TLL1: variants seen among roughly 807,000 people sequenced by gnomAD.
TLL1 encodes the protein tolloid like 1.
In TLL1, 49 loss-of-function variants were observed where a neutral mutation model predicts 128.2. The observed-to-expected ratio is 0.38, with a 90% CI of 0.30 to 0.48. The LOEUF (loss-of-function observed/expected upper bound fraction) is 0.48, where lower values mean the gene tolerates loss of function less well. Ranked by LOEUF, TLL1 falls within the 20% of genes least tolerant of loss-of-function variation. TLL1 has a pLI of 0.96. For synonymous variants in TLL1, 454 were observed against 418.8 expected (o/e 1.08, Z -1.03); for missense variants, 1,123 against 1,242.0 (o/e 0.90, Z 1.44).
chr4:165,927,493 A>G (rs2110899124), intron 1 of TLL1, among the ~76,000 whole-genome samples: 1 of 152,360 alleles, frequency 6.6e-6, no homozygotes, highest in South Asian at 2.1e-4. Flanking sequence ...ACGGATTAAT[A>G]AAAATGTAAG....
intron 15 of TLL1, among the ~76,000 whole-genome samples, chr4:166,064,670 A>T (rs978096652): frequency 6.6e-6 from 1 of 152,132 alleles, no homozygotes; most frequent in Admixed American, 6.6e-5. Flanking sequence ...TTTATTCATT[A>T]TATTGCTATT....
intron 3 of TLL1, among the ~76,000 whole-genome samples, chr4:165,993,400 T>G (rs1736729398): frequency 6.6e-6 from 1 of 152,050 alleles, no homozygotes; most frequent in African/African-American, 2.4e-5. Context: ...CAGTATTGAA[T>G]GTATTAAAAA....
intron 3 of TLL1, among the ~76,000 whole-genome samples, chr4:165,993,855 G>T (rs895837425): frequency 6.6e-6 from 1 of 152,064 alleles, no homozygotes; most frequent in African/African-American, 2.4e-5. Context: ...ATAGCTTGTT[G>T]TACGGGAGGC....
At chr4:166,033,559 G>A (rs544717952) in intron 9 of TLL1, among the ~76,000 whole-genome samples, 5 of 152,114 alleles carry the variant, frequency 3.3e-5, no homozygotes, top group African/African-American at 1.2e-4. Context: ...AAAAAATACA[G>A]TCATTGTAGG....
chr4:166,037,572 C>G (rs1359807845), intron 9 of TLL1, among the ~76,000 whole-genome samples: 1 of 152,108 alleles, frequency 6.6e-6, no homozygotes, highest in Non-Finnish European at 1.5e-5. Flanking sequence ...GTTTGGGAGG[C>G]TGAGGCTGGT....
chr4:166,099,156 A>G, intron 19 of TLL1, 121 bp from the exon 20 acceptor site: 1 of 1,474,572 alleles, frequency 6.8e-7, no homozygotes, highest in Non-Finnish European at 9.5e-7. Flanking sequence ...AACATATCTG[A>G]CGCTGGAAGT....
rs1741119468 is a variant in TLL1, at chr4:166,078,110, G to A, written c.2442+80G>A. ...TACAAGCACTTGGAAATAAAATGGA[G>A]GTTTATCTAATTGAATCGAATCGTA... is the stretch of plus-strand genomic sequence containing the variant. On this transcript the variant is annotated intron_variant, in intron 18 of 20. Coordinates refer to ENST00000061240, the MANE Select transcript of TLL1 (RefSeq NM_012464.5). The A allele has an allele frequency of 5.0e-6, 8 of 1,594,634 alleles. No individual in the cohort carries two copies. The South Asian group carries it at 6.7e-5, about 13-fold the overall frequency.
intron 7 of TLL1, among the ~76,000 whole-genome samples, chr4:166,013,422 C>T (rs187115949): frequency 2.6e-5 from 4 of 151,776 alleles, no homozygotes; most frequent in East Asian, 3.9e-4. Context: ...TTAATGCAAG[C>T]GTTAGTTTAA....
chr4:165,938,884 C>T, intron 1 of TLL1, among the ~76,000 whole-genome samples: 1 of 151,632 alleles, frequency 6.6e-6, no homozygotes. Flanking sequence ...ACATTTAAAC[C>T]TTTTTAAACA....
chr4:165,892,022 G>A (rs780767615), intron 1 of TLL1, among the ~76,000 whole-genome samples: 1 of 152,220 alleles, frequency 6.6e-6, no homozygotes, highest in Non-Finnish European at 1.5e-5. Flanking sequence ...GAAGCCTCAG[G>A]AAGCCTACAA....
At chr4:166,002,744 C>T (rs1308428271) in intron 5 of TLL1, among the ~76,000 whole-genome samples, 2 of 152,170 alleles carry the variant, frequency 1.3e-5, no homozygotes, top group African/African-American at 4.8e-5. Context: ...TGCAACCAGC[C>T]AAAAGTAATT....
At chr4:165,903,723 T>G (rs1732113715) in intron 1 of TLL1, among the ~76,000 whole-genome samples, 1 of 142,114 alleles carries the variant, frequency 7.0e-6, no homozygotes, top group Non-Finnish European at 1.5e-5. Context: ...GGTTAGATCT[T>G]AAGTTCTTAT....
chr4:166,042,175 AT>A, intron 11 of TLL1, 32 bp downstream of exon 11: 1 of 1,324,546 alleles, frequency 7.5e-7, no homozygotes, highest in Non-Finnish European at 1.1e-6. Context: ...AGAGTAGTTC[AT>A]CTTATATCTC....
rs1265563485 is a variant in TLL1 at position 166,091,214 on chromosome 4, G to A, written c.2529G>A (p.Pro843=). 12 of 1,613,192 alleles carry A rather than the reference G, an allele frequency of 7.4e-6. No individual in the cohort carries two copies. The East Asian group carries it at 8.9e-5, about 12-fold the overall frequency. ...EVFDGETEKS[P]ILGRLCGNKI... The stretch of plus-strand genomic sequence containing the variant: ...TTGATGGAGAAACAGAAAAGTCACC[G>A]ATTCTTGGACGACTGTGTGGCAACA... Residue 843 remains proline, a synonymous_variant, in exon 19 of 21, where the codon CCG becomes CCA. Transcript: ENST00000061240.
rs1560854459 is a variant in TLL1 at position 166,074,992 on chromosome 4, A to C, written c.2303A>C (p.Asp768Ala). Residue 768 changes from aspartate to alanine, a missense_variant, in exon 17 of 21, where the codon GAT becomes GCT. Asp to Ala is a moderately radical substitution (Grantham distance 126). Coordinates refer to ENST00000061240, the MANE Select transcript of TLL1 (RefSeq NM_012464.5). ...TTTGTGCTACATGACAATAAACATG[A>C]TTGCAAGGAAGGTATGGAACGGAAT... ...NGFVLHDNKH[D>A]CKEAECEQKI... 1 of 1,613,520 alleles carries C rather than the reference A, an allele frequency of 6.2e-7. No homozygotes were observed. The highest frequency in any genetic ancestry group is 8.5e-7 in the Non-Finnish European group (1 of 1,179,542).
At chr4:166,059,978 G>C (rs372049410) in intron 14 of TLL1, 50 bp from the exon 15 acceptor site, 1 of 1,606,634 alleles carries the variant, frequency 6.2e-7, no homozygotes, top group African/African-American at 1.3e-5. Flanking sequence ...GTGCTAAGAA[G>C]TGGGTGACTT....
chr4:166,000,674 G>A (rs112814039), intron 5 of TLL1, among the ~76,000 whole-genome samples: 2,061 of 151,826 alleles, frequency 0.014, 44 homozygotes, highest in African/African-American at 0.047. Context: ...ATTGACTTAA[G>A]GTAGCAAATA....
Position 166,103,423 on chromosome 4 carries a change from A to G in TLL1, c.*2547A>G, listed in dbSNP as rs1256557355. ...ATGAGCCTTTTGTGAAAATAAATAT[A>G]TTAAATTATTTTGCCTGATGTGGTA... is the stretch of plus-strand genomic sequence containing the variant. On this transcript the variant is annotated 3_prime_UTR_variant, in exon 21 of 21. Transcript: ENST00000061240. 1.3e-5 allele frequency: 2 copies of G among 151,806 alleles called. No homozygotes were observed. The highest frequency in any genetic ancestry group is 2.9e-5 in the Non-Finnish European group (2 of 67,844). 9.4% of individuals were successfully genotyped at this position (151,806 alleles called of 1,614,324 possible).
chr4:166,079,679 A>C (rs554600173), intron 18 of TLL1, among the ~76,000 whole-genome samples: 3 of 152,030 alleles, frequency 2.0e-5, no homozygotes, highest in African/African-American at 7.2e-5. Flanking sequence ...AATTTCTTAC[A>C]TCTGTATTGT....
Sources: allele counts gnomAD v4.1 joint callset (sites outside exome capture counted in the v4.1 genomes callset), GRCh38; gene constraint gnomAD v4.1.1; transcripts MANE v1.5; gene names NCBI Gene and HGNC (gene_info 2026-07-23, HGNC 2026-07-21).